The following WWC1 variants were observed in gnomAD, a reference collection of about 807,000 sequenced individuals.
WWC1 encodes protein KIBRA.
In WWC1, 55 loss-of-function variants were observed where a neutral mutation model predicts 138.4. The ratio of observed to expected loss-of-function variants is 0.40; its 90% CI spans 0.32 to 0.50. WWC1 has a LOEUF of 0.50. Among genes scored for constraint, WWC1 ranks in the 20% least tolerant of loss-of-function variants. The pLI is 0.72. For synonymous variants in WWC1, 524 were observed against 564.9 expected (o/e 0.93, Z 1.03); for missense variants, 1,226 against 1,420.4 (o/e 0.86, Z 2.20).
chr5:168,422,556 C>T (rs1424957272), intron 10 of WWC1, among the ~76,000 whole-genome samples: 5 of 151,846 alleles, frequency 3.3e-5, no homozygotes, highest in South Asian at 2.1e-4. Context: ...GGAGGCTTAC[C>T]GTGAGCCGAG....
chr5:168,382,037 CAT>C (rs1468492880), intron 2 of WWC1, among the ~76,000 whole-genome samples: 1 of 152,002 alleles, frequency 6.6e-6, no homozygotes, highest in Non-Finnish European at 1.5e-5. Context: ...AATTCATAGA[CAT>C]ATGTTTTTAA....
intron 16 of WWC1, among the ~76,000 whole-genome samples, chr5:168,442,100 A>G (rs749105743): frequency 5.9e-5 from 9 of 152,196 alleles, no homozygotes; most frequent in Non-Finnish European, 8.8e-5. Flanking sequence ...ACCTTAATTC[A>G]TGATTTTTTA....
At chr5:168,388,788 C>A (rs1284295156) in intron 3 of WWC1, among the ~76,000 whole-genome samples, 1 of 151,734 alleles carries the variant, frequency 6.6e-6, no homozygotes, top group Non-Finnish European at 1.5e-5. Context: ...CAAGATTGCA[C>A]CACTGTACTC....
chr5:168,389,749 C>A (rs937629191), intron 3 of WWC1, among the ~76,000 whole-genome samples: 1 of 152,018 alleles, frequency 6.6e-6, no homozygotes, highest in Non-Finnish European at 1.5e-5. Flanking sequence ...GGGACCATGT[C>A]AGAGTTTCTT....
Position 168,469,074 on chromosome 5 carries a change from C to A in WWC1, c.*57C>A, listed in dbSNP as rs1757551634. The stretch of plus-strand genomic sequence containing the variant: ...ACCAGGCTGTGAACATTGACTGTGG[C>A]TAAAGTTATTTATGTGGTGTTATAT... On this transcript the variant is annotated 3_prime_UTR_variant, in exon 23 of 23. Coordinates refer to ENST00000265293, the MANE Select transcript of WWC1 (RefSeq NM_015238.3). 7 of 1,602,110 alleles carry A rather than the reference C, an allele frequency of 4.4e-6. No individual in the cohort carries two copies. The Admixed American group carries it at 1.0e-4, about 23-fold the overall frequency.
rs745398865 is a variant in WWC1, at chr5:168,423,602, C to T, written c.1344C>T (p.Ser448=). The T allele has an allele frequency of 1.2e-6, 2 of 1,614,148 alleles. No homozygotes were observed. The highest frequency in any genetic ancestry group is 1.7e-6 in the Non-Finnish European group (2 of 1,180,032). Residue 448 remains serine, a synonymous_variant, in exon 11 of 23, where the codon TCC becomes TCT. Coordinates refer to ENST00000265293, the MANE Select transcript of WWC1 (RefSeq NM_015238.3). ...SPGSLTSSRG[S]LVASSLDSST... Reference sequence around the variant, plus strand: ...GATCCCTCACGTCCAGCCGGGGCTCCCTGGTTGCATCCAGCCTGGACTCCT... The same window carrying T: ...GATCCCTCACGTCCAGCCGGGGCTCTCTGGTTGCATCCAGCCTGGACTCCT...
At chr5:168,302,866 A>G (rs1770221251) in intron 1 of WWC1, among the ~76,000 whole-genome samples, 1 of 152,204 alleles carries the variant, frequency 6.6e-6, no homozygotes, top group South Asian at 2.1e-4. Context: ...CCTTGTCCTC[A>G]TGGAGCTTAC....
At chr5:168,382,727 T>C (rs1311622435) in intron 2 of WWC1, among the ~76,000 whole-genome samples, 3 of 152,174 alleles carry the variant, frequency 2.0e-5, no homozygotes, top group African/African-American at 7.2e-5. Context: ...ATTTTTGCAT[T>C]TGTTCCTGCC....
At chr5:168,393,673 G>A (rs1311419168) in intron 3 of WWC1, among the ~76,000 whole-genome samples, 4 of 152,098 alleles carry the variant, frequency 2.6e-5, no homozygotes, top group Admixed American at 2.0e-4. Context: ...AGGAAGACGC[G>A]GTATACAGAG....
intron 1 of WWC1, among the ~76,000 whole-genome samples, chr5:168,303,280 G>T (rs1394234104): frequency 2.0e-5 from 3 of 152,090 alleles, no homozygotes; most frequent in African/African-American, 7.2e-5. Flanking sequence ...AAATCCTGTG[G>T]GTTTTTCTTG....
At chr5:168,434,378 C>T (rs1341506345) in intron 15 of WWC1, among the ~76,000 whole-genome samples, 1 of 151,930 alleles carries the variant, frequency 6.6e-6, no homozygotes, top group Non-Finnish European at 1.5e-5. Flanking sequence ...AAAGGCCTGT[C>T]CTCTCCCACG....
At chr5:168,300,121 G>C (rs1426535485) in intron 1 of WWC1, among the ~76,000 whole-genome samples, 3 of 143,628 alleles carry the variant, frequency 2.1e-5, no homozygotes, top group Admixed American at 1.4e-4. Flanking sequence ...TGGCCAGCTG[G>C]CTGCACACCT....
chr5:168,361,413 C>T (rs1472015419), intron 1 of WWC1, among the ~76,000 whole-genome samples: 1 of 152,184 alleles, frequency 6.6e-6, no homozygotes, highest in South Asian at 2.1e-4. Context: ...GAGCCCACCT[C>T]CCAACCTCGT....
intron 2 of WWC1, among the ~76,000 whole-genome samples, chr5:168,375,810 G>A (rs1447093579): frequency 6.6e-6 from 1 of 151,978 alleles, no homozygotes; most frequent in African/African-American, 2.4e-5. Context: ...CCTAACCTCA[G>A]GTGATCTGCC....
intron 11 of WWC1, 61 bp downstream of exon 11, chr5:168,424,129 CAGA>C (rs2152853946): frequency 6.6e-7 from 1 of 1,514,410 alleles, no homozygotes; most frequent in Non-Finnish European, 8.8e-7. Context: ...ACTCTGTGCT[CAGA>C]ACCCCCCAGT....
At chr5:168,448,820 C>A (rs1755527445) in intron 17 of WWC1, among the ~76,000 whole-genome samples, 1 of 151,904 alleles carries the variant, frequency 6.6e-6, no homozygotes. Context: ...GGGGTTTCAC[C>A]GTGTTAGCCA....
At chr5:168,347,813 C>G (rs1265965792) in intron 1 of WWC1, among the ~76,000 whole-genome samples, 3 of 152,176 alleles carry the variant, frequency 2.0e-5, no homozygotes, top group Admixed American at 2.0e-4. Flanking sequence ...AAGAATGATT[C>G]TGTCCCCTGG....
chr5:168,362,989 C>T (rs1775991746), intron 1 of WWC1, among the ~76,000 whole-genome samples: 1 of 152,006 alleles, frequency 6.6e-6, no homozygotes, highest in South Asian at 2.1e-4. Context: ...AATAACTAGG[C>T]CAAGAAAACT....
intron 1 of WWC1, among the ~76,000 whole-genome samples, chr5:168,362,772 G>A (rs1775974903): frequency 6.6e-6 from 1 of 152,190 alleles, no homozygotes; most frequent in Non-Finnish European, 1.5e-5. Context: ...GGAAGGGGAT[G>A]GACCCAAAGG....
Sources: allele counts gnomAD v4.1 joint callset (sites outside exome capture counted in the v4.1 genomes callset), GRCh38; gene constraint gnomAD v4.1.1; transcripts MANE v1.5; gene names NCBI Gene and HGNC (gene_info 2026-07-23, HGNC 2026-07-21).